The following PECAM1 variants were observed in gnomAD, a reference collection of about 807,000 sequenced individuals.
The protein encoded by PECAM1 is platelet endothelial cell adhesion molecule.
Under a neutral mutation model 13.8 loss-of-function variants are expected in PECAM1, and 8 were observed. The ratio of observed to expected loss-of-function variants is 0.58; its 90% CI spans 0.34 to 1.05. The LOEUF (loss-of-function observed/expected upper bound fraction) is 1.05. Ranked by LOEUF, PECAM1 falls within the 50% of genes least tolerant of loss-of-function variation. The pLI is 0.03. For missense variants in PECAM1, 304 were observed against 141.2 expected (o/e 2.15, Z -5.84); for synonymous variants, 136 against 52.6 (o/e 2.58, Z -6.86).
chr17:64,334,460 G>A (rs1261135898), intron 14 of PECAM1, among the ~76,000 whole-genome samples: 8 of 152,184 alleles, frequency 5.3e-5, no homozygotes, highest in Non-Finnish European at 1.2e-4. Flanking sequence ...CAAAGACTCC[G>A]CTCTGCACCC....
chr17:64,322,057 A>G lies in PECAM1; in HGVS notation c.*1759T>C, dbSNP rs1312915715. On this transcript the variant is annotated 3_prime_UTR_variant, in exon 16 of 16. Coordinates refer to ENST00000563924, the MANE Select transcript of PECAM1 (RefSeq NM_000442.5). Reference sequence around the variant, plus strand: ...GTGTGTGTGTTGGGGAAAGGAACCAACAGCTTTCATCATATTGTCAAAAGA... The same window carrying G: ...GTGTGTGTGTTGGGGAAAGGAACCAGCAGCTTTCATCATATTGTCAAAAGA... 1.7e-6 allele frequency: 2 copies of G among 1,154,170 alleles called. No homozygotes were observed. The highest frequency in any genetic ancestry group is 1.1e-6 in the Non-Finnish European group (1 of 916,078). The allele number at this position is 1,154,170 out of a possible 1,614,324, so 71.5% of individuals were successfully genotyped here. A position where few individuals can be genotyped will look rare whatever the true frequency, so the allele number is the denominator to read the frequency against.
chr17:64,358,764 C>G (rs1370469405), intron 7 of PECAM1, among the ~76,000 whole-genome samples: 2 of 151,744 alleles, frequency 1.3e-5, no homozygotes, highest in African/African-American at 2.4e-5. Context: ...TTTTGTATGC[C>G]TCACACCATT....
At chr17:64,385,688 T>A (rs2036577316) in intron 2 of PECAM1, among the ~76,000 whole-genome samples, 1 of 151,952 alleles carries the variant, frequency 6.6e-6, no homozygotes, top group African/African-American at 2.4e-5. Flanking sequence ...TGGACTCCAG[T>A]GATATCAGTA....
chr17:64,345,446 T>C (rs886645471), intron 13 of PECAM1, among the ~76,000 whole-genome samples: 5 of 152,042 alleles, frequency 3.3e-5, no homozygotes, highest in African/African-American at 7.2e-5. Context: ...GGCCTGGTGG[T>C]TCACACCTGT....
At chr17:64,359,443 G>A (rs1414172001) in intron 7 of PECAM1, among the ~76,000 whole-genome samples, 3 of 152,134 alleles carry the variant, frequency 2.0e-5, no homozygotes. Context: ...TCTCACTGCT[G>A]CAGAATTCAC....
At chr17:64,370,893 C>T (rs1440680971) in intron 4 of PECAM1, among the ~76,000 whole-genome samples, 5 of 152,250 alleles carry the variant, frequency 3.3e-5, no homozygotes, top group South Asian at 4.1e-4. Flanking sequence ...ACTTAGAGTA[C>T]TCTAATGCTT....
At chr17:64,342,342 C>T (rs1455114757) in intron 13 of PECAM1, among the ~76,000 whole-genome samples, 1 of 152,082 alleles carries the variant, frequency 6.6e-6, no homozygotes, top group Non-Finnish European at 1.5e-5. Flanking sequence ...ACTCCTCTTC[C>T]CCTGCCACCG....
intron 4 of PECAM1, chr17:64,370,362 A>G (rs1390691345): frequency 1.6e-5 from 3 of 183,552 alleles, no homozygotes; most frequent in African/African-American, 7.0e-5. Context: ...CGAGTTTTCT[A>G]GGCTATTCTC....
chr17:64,370,916 G>C (rs2036224290), intron 4 of PECAM1, among the ~76,000 whole-genome samples: 1 of 152,136 alleles, frequency 6.6e-6, no homozygotes, highest in Non-Finnish European at 1.5e-5. Flanking sequence ...ATATTCATTA[G>C]TGATTTTTAA....
intron 9 of PECAM1, among the ~76,000 whole-genome samples, chr17:64,354,708 C>T (rs934934779): frequency 1.2e-4 from 18 of 152,330 alleles, no homozygotes; most frequent in African/African-American, 4.1e-4. Context: ...CCACTCTACA[C>T]GCATTACAGG....
chr17:64,390,405 A>G (rs2036690632), intron 2 of PECAM1, 84 bp downstream of exon 2: 2 of 433,524 alleles, frequency 4.6e-6, no homozygotes, highest in South Asian at 1.0e-4. Flanking sequence ...AACCCCAGCA[A>G]TTTAATGTGC....
chr17:64,346,285 G>T (rs906264954), intron 13 of PECAM1, among the ~76,000 whole-genome samples: 1 of 152,170 alleles, frequency 6.6e-6, no homozygotes, highest in Non-Finnish European at 1.5e-5. Flanking sequence ...GACCCCCGGG[G>T]ACTGTGTACT....
chr17:64,353,620 T>C (rs1475657937), intron 9 of PECAM1, 102 bp from the exon 10 acceptor site: 3 of 415,984 alleles, frequency 7.2e-6, no homozygotes, highest in African/African-American at 4.1e-5. Flanking sequence ...ACCTAATAGA[T>C]AGAAAACACT....
chr17:64,361,302 C>T (rs1175779396), intron 6 of PECAM1, among the ~76,000 whole-genome samples: 2 of 151,940 alleles, frequency 1.3e-5, no homozygotes, highest in East Asian at 2.0e-4. Flanking sequence ...TGTGCCACCA[C>T]ACCCGGCTAA....
intron 6 of PECAM1, among the ~76,000 whole-genome samples, chr17:64,362,518 T>G (rs1424076165): frequency 6.6e-6 from 1 of 151,904 alleles, no homozygotes; most frequent in Non-Finnish European, 1.5e-5. Context: ...CGGGCGTGGT[T>G]GCGGGTGCCT....
intron 7 of PECAM1, among the ~76,000 whole-genome samples, chr17:64,357,935 T>A (rs1220836888): frequency 6.6e-5 from 10 of 152,046 alleles, no homozygotes; most frequent in East Asian, 5.8e-4. Context: ...CTCATTTGCA[T>A]CCTGTCCTTC....
chr17:64,381,275 T>C (rs1472522443), intron 2 of PECAM1, among the ~76,000 whole-genome samples: 1 of 152,244 alleles, frequency 6.6e-6, no homozygotes, highest in Non-Finnish European at 1.5e-5. Flanking sequence ...CTCTTTTTGC[T>C]TTGATTGTTA....
At chr17:64,324,035 A>G in intron 15 of PECAM1, 190 bp from the exon 16 acceptor site, 1 of 863,502 alleles carries the variant, frequency 1.2e-6, no homozygotes, top group Non-Finnish European at 1.9e-6. Context: ...AGCACTACAG[A>G]TACACGTGGC....
intron 14 of PECAM1, among the ~76,000 whole-genome samples, chr17:64,334,709 G>T (rs1281773281): frequency 6.6e-6 from 1 of 152,154 alleles, no homozygotes; most frequent in Admixed American, 6.5e-5. Flanking sequence ...GGGTTTCACC[G>T]TGTTAGCCAG....
Sources: gnomAD v4.1 joint callset for allele counts (sites outside exome capture counted in the v4.1 genomes callset) on GRCh38, gnomAD v4.1.1 for gene constraint, MANE v1.5 for transcripts, NCBI Gene and HGNC (gene_info 2026-07-23, HGNC 2026-07-21) for gene names.